Variants in USP7 observed in about 807,000 individuals in gnomAD.
The protein encoded by USP7 is ubiquitin specific peptidase 7.
USP7 carries 9 observed loss-of-function variants against 162.9 expected under a neutral mutation model. The ratio of observed to expected loss-of-function variants is 0.06; its 90% CI spans 0.03 to 0.10. The LOEUF is 0.10. Among genes scored for constraint, USP7 ranks in the 10% least tolerant of loss-of-function variants. The probability of loss-of-function intolerance (pLI) is 1.00; values close to 1 mark genes in which losing one functional copy is unlikely to be tolerated. For synonymous variants in USP7, 562 were observed against 475.9 expected (o/e 1.18, Z -2.35); for missense variants, 715 against 1,373.7 (o/e 0.52, Z 7.58).
Position 8,910,837 on chromosome 16 carries a change from G to C in USP7, c.1079-10C>G, listed in dbSNP as rs1293481799. ...ACAAATGATTCAAATACTTTAAAGAGAGAGAGAGAAAAGTCAAGTGCTAAA... is the reference window on the plus strand; with the variant it reads ...ACAAATGATTCAAATACTTTAAAGACAGAGAGAGAAAAGTCAAGTGCTAAA... On this transcript the variant is annotated splice_polypyrimidine_tract_variant and intron_variant, in intron 10 of 30. Transcript: ENST00000344836. 1.9e-6 allele frequency: 3 copies of C among 1,611,310 alleles called. No individual in the cohort carries two copies. Among genetic ancestry groups the C allele is most frequent in the East Asian group, 4.5e-5 (2 of 44,856 alleles).
At chr16:8,907,060 C>T (rs984367257) in intron 12 of USP7, among the ~76,000 whole-genome samples, 1 of 152,160 alleles carries the variant, frequency 6.6e-6, no homozygotes, top group African/African-American at 2.4e-5. Context: ...GCAAGTTAGA[C>T]GGGTGGGGGC....
chr16:8,956,845 C>G (rs553563702), intron 1 of USP7, among the ~76,000 whole-genome samples: 28 of 152,166 alleles, frequency 1.8e-4, no homozygotes, highest in African/African-American at 4.6e-4. Context: ...CCAGCCCCCC[C>G]GCAGGCAGTG....
intron 1 of USP7, among the ~76,000 whole-genome samples, chr16:8,958,180 C>T (rs756725151): frequency 2.0e-5 from 3 of 152,288 alleles, no homozygotes; most frequent in African/African-American, 4.8e-5. Context: ...CCCATCCCAC[C>T]GGCACAGTAG....
intron 1 of USP7, among the ~76,000 whole-genome samples, chr16:8,952,541 C>A (rs955736793): frequency 9.2e-5 from 14 of 152,286 alleles, no homozygotes; most frequent in Admixed American, 4.6e-4. Flanking sequence ...CTGGGCTCCC[C>A]CTTGCACCTG....
At chr16:8,918,041 C>T (rs1224445158) in intron 6 of USP7, among the ~76,000 whole-genome samples, 2 of 151,634 alleles carry the variant, frequency 1.3e-5, no homozygotes, top group Non-Finnish European at 2.9e-5. Context: ...CCGCCCGCCT[C>T]GGCCTCCCAA....
intron 1 of USP7, among the ~76,000 whole-genome samples, chr16:8,942,351 T>C (rs1899085447): frequency 6.6e-6 from 1 of 152,108 alleles, no homozygotes; most frequent in Admixed American, 6.5e-5. Flanking sequence ...TTGCCAAATA[T>C]CAAGCAGTGG....
chr16:8,919,257 C>A, intron 5 of USP7, 118 bp from the exon 6 acceptor site: 1 of 914,684 alleles, frequency 1.1e-6, no homozygotes. Flanking sequence ...GAACACTTAT[C>A]ACACAGCATC....
At chr16:8,895,834 G>T in intron 26 of USP7, 93 bp from the exon 27 acceptor site, 6 of 794,622 alleles carry the variant, frequency 7.6e-6, no homozygotes, top group Admixed American at 3.8e-5. Context: ...AAGTTACCAC[G>T]ATATGTTTTT....
intron 15 of USP7, 34 bp from the exon 16 acceptor site, chr16:8,903,436 G>A: frequency 1.3e-6 from 2 of 1,597,378 alleles, no homozygotes; most frequent in Admixed American, 1.7e-5. Flanking sequence ...GAAAAGACTT[G>A]ACAACTGACA....
At chr16:8,907,887 A>T (rs2061885445) in intron 12 of USP7, among the ~76,000 whole-genome samples, 1 of 152,254 alleles carries the variant, frequency 6.6e-6, no homozygotes, top group Non-Finnish European at 1.5e-5. Context: ...CTACTTTAGC[A>T]TTCTTGAAAA....
chr16:8,959,250 T>A (rs1030693522), intron 1 of USP7, among the ~76,000 whole-genome samples: 8 of 151,952 alleles, frequency 5.3e-5, no homozygotes, highest in African/African-American at 1.7e-4. Flanking sequence ...AAACCCAGAT[T>A]CAAACCCAGG....
chr16:8,916,773 GTTC>G (rs1329788842), intron 7 of USP7, among the ~76,000 whole-genome samples: 7 of 152,156 alleles, frequency 4.6e-5, no homozygotes, highest in African/African-American at 1.7e-4. Flanking sequence ...AGCAGTACAG[GTTC>G]TTGTGTTGAA....
rs373482138 is a variant in USP7 at position 8,894,647 on chromosome 16, GA to G, written c.3112-8del. ...TTACAATTGCAAATTTAAACTAAAA[GA>G]AAAAAAATTAAAACTCCTCCGTTAT... On this transcript the variant is annotated splice_region_variant and splice_polypyrimidine_tract_variant and intron_variant, in intron 29 of 30. Coordinates refer to ENST00000344836, the MANE Select transcript of USP7 (RefSeq NM_003470.3). The G allele has an allele frequency of 2.4e-4, 386 of 1,611,012 alleles. 4 individuals are homozygous for G. In the East Asian group the frequency reaches 4.9e-3, roughly 21 times the overall value.
At chr16:8,913,469 C>T (rs891699706) in intron 10 of USP7, among the ~76,000 whole-genome samples, 1 of 152,016 alleles carries the variant, frequency 6.6e-6, no homozygotes, top group African/African-American at 2.4e-5. Context: ...AAGGACACTA[C>T]AGCCCACTTC....
chr16:8,900,659 C>G (rs192595197), intron 20 of USP7, 29 bp from the exon 21 acceptor site: 2 of 1,544,206 alleles, frequency 1.3e-6, no homozygotes, highest in African/African-American at 1.4e-5. Context: ...AATTGTTACA[C>G]TGCAAGTTTG....
chr16:8,895,182 A>G (rs1394896718), intron 27 of USP7, 32 bp from the exon 28 acceptor site: 1 of 1,614,038 alleles, frequency 6.2e-7, no homozygotes. Flanking sequence ...ACAGTTCTGT[A>G]AGTGCAAGTG....
At chr16:8,913,494 A>G (rs768067464) in intron 10 of USP7, among the ~76,000 whole-genome samples, 3 of 152,044 alleles carry the variant, frequency 2.0e-5, no homozygotes, top group Non-Finnish European at 2.9e-5. Context: ...AAATGAGGCG[A>G]GCAAGAAGAC....
intron 16 of USP7, among the ~76,000 whole-genome samples, chr16:8,902,876 CA>C (rs536407496): frequency 6.7e-6 from 1 of 148,430 alleles, no homozygotes. Flanking sequence ...AACTCTGTCT[CA>C]AAAAAAAAGA....
intron 2 of USP7, among the ~76,000 whole-genome samples, chr16:8,926,278 G>C (rs991361826): frequency 6.6e-6 from 1 of 152,112 alleles, no homozygotes; most frequent in African/African-American, 2.4e-5. Flanking sequence ...AGGAGTTTGA[G>C]ACCAGCCTGC....
Sources: gnomAD v4.1 joint callset for allele counts (sites outside exome capture counted in the v4.1 genomes callset) on GRCh38, gnomAD v4.1.1 for gene constraint, MANE v1.5 for transcripts, NCBI Gene and HGNC (gene_info 2026-07-23, HGNC 2026-07-21) for gene names.